The following GPHN variants were observed in gnomAD, a reference collection of about 807,000 sequenced individuals.
The protein encoded by GPHN is gephyrin.
In GPHN, 17 loss-of-function variants were observed where a neutral mutation model predicts 95.5. That is an observed-to-expected ratio of 0.18 (90% CI 0.12 to 0.27). GPHN has a LOEUF of 0.27. Among genes scored for constraint, GPHN ranks in the 10% least tolerant of loss-of-function variants. GPHN has a pLI of 1.00. For missense variants in GPHN, 660 were observed against 978.1 expected (o/e 0.67, Z 4.34); for synonymous variants, 320 against 322.5 (o/e 0.99, Z 0.08).
chr14:67,032,832 A>G (rs2074253169), intron 10 of GPHN, among the ~76,000 whole-genome samples: 1 of 152,188 alleles, frequency 6.6e-6, no homozygotes, highest in Non-Finnish European at 1.5e-5. Flanking sequence ...TGTTTCTCAA[A>G]TGACTAAAAC....
chr14:66,508,176 C>T lies in GPHN; in HGVS notation c.-352C>T, dbSNP rs1419993734. The T allele has an allele frequency of 2.1e-6, 1 of 481,598 alleles. No individual in the cohort carries two copies. Among genetic ancestry groups the T allele is most frequent in the South Asian group, 2.1e-5 (1 of 48,170 alleles). The allele number at this position is 481,598 out of a possible 1,614,324, so 29.8% of individuals were successfully genotyped here. On this transcript the variant is annotated 5_prime_UTR_variant, in exon 1 of 23. Coordinates refer to ENST00000478722, the MANE Select transcript of GPHN (RefSeq NM_020806.5). ...TCCTCTCAGTCCTGCCATCTAGCTG[C>T]CTTGGGTCTCGCGCTCCGCAGAGCG...
chr14:66,675,571 T>A (rs1400805354), intron 1 of GPHN, among the ~76,000 whole-genome samples: 2 of 152,232 alleles, frequency 1.3e-5, no homozygotes, highest in Non-Finnish European at 2.9e-5. Flanking sequence ...TATATTTCTT[T>A]ACTCTGTTGA....
intron 16 of GPHN, among the ~76,000 whole-genome samples, chr14:67,120,359 T>C (rs2078952556): frequency 6.6e-6 from 1 of 152,242 alleles, no homozygotes; most frequent in African/African-American, 2.4e-5. Context: ...CTAGTATATT[T>C]AGCCTTATAC....
chr14:67,410,616 G>A, the GPHN span, among the ~76,000 whole-genome samples: 3 of 152,140 alleles, frequency 2.0e-5, no homozygotes, highest in Non-Finnish European at 4.4e-5. Flanking sequence ...CCGCTCTCCT[G>A]TACCAAATAA....
the GPHN span, among the ~76,000 whole-genome samples, chr14:67,642,573 T>G: frequency 1.3e-5 from 2 of 152,170 alleles, no homozygotes; most frequent in East Asian, 3.9e-4. Context: ...CATTGCACAG[T>G]AAGAATATGT....
chr14:67,219,396 C>T, the GPHN span, among the ~76,000 whole-genome samples: 722 of 152,272 alleles, frequency 4.7e-3, 11 homozygotes, highest in African/African-American at 0.017. Flanking sequence ...TCTCTGCTCC[C>T]CAGCTGCCCT....
intron 4 of GPHN, among the ~76,000 whole-genome samples, chr14:66,836,306 G>A (rs1199698532): frequency 7.3e-6 from 1 of 137,680 alleles, no homozygotes; most frequent in Non-Finnish European, 1.5e-5. Flanking sequence ...ACAACTATCT[G>A]ATCTTTGACA....
At chr14:67,334,022 A>ACTT in the GPHN span, 7 of 152,712 alleles carry the variant, frequency 4.6e-5, no homozygotes, top group East Asian at 1.3e-3. Flanking sequence ...CATTGAAAAC[A>ACTT]CTTGTTTAGC....
chr14:66,531,910 G>A (rs970292543), intron 1 of GPHN, among the ~76,000 whole-genome samples: 1 of 152,162 alleles, frequency 6.6e-6, no homozygotes, highest in Non-Finnish European at 1.5e-5. Context: ...AGCTGTATAT[G>A]ATTTCTCTCA....
At position 67,050,073 on chromosome 14, in the gene GPHN, C is replaced by T. The variant is rs145802317; in HGVS notation, c.1007-8576C>T. On this transcript the variant is annotated intron_variant, in intron 10 of 22. Transcript: ENST00000478722. Reference sequence around the variant, plus strand: ...ACATGCAAATAGTTTAACCAAGGACCGGTATCAATCCAATAGCACCACAGT... The same window carrying T: ...ACATGCAAATAGTTTAACCAAGGACTGGTATCAATCCAATAGCACCACAGT... Among the ~76,000 whole-genome samples, 122 of 152,238 alleles carry T rather than the reference C, an allele frequency of 8.0e-4. 1 individual carries two copies. The highest frequency in any genetic ancestry group is 2.3e-3 in the South Asian group (11 of 4,824).
At chr14:66,685,837 A>G (rs2067317922) in intron 2 of GPHN, among the ~76,000 whole-genome samples, 1 of 152,164 alleles carries the variant, frequency 6.6e-6, no homozygotes, top group Non-Finnish European at 1.5e-5. Context: ...TATGTCCTGA[A>G]TGGTATTGCC....
the GPHN span, among the ~76,000 whole-genome samples, chr14:67,321,895 C>T: frequency 2.6e-5 from 4 of 152,028 alleles, no homozygotes; most frequent in Non-Finnish European, 4.4e-5. Context: ...AATAATTTCC[C>T]TTTTCTGATT....
chr14:67,735,000 A>G, the GPHN span, among the ~76,000 whole-genome samples: 12 of 152,348 alleles, frequency 7.9e-5, no homozygotes, highest in East Asian at 2.3e-3. Context: ...CTGGCTAGAG[A>G]AAATATTTTA....
the GPHN span, chr14:67,397,734 G>T: frequency 6.2e-7 from 1 of 1,613,314 alleles, no homozygotes; most frequent in African/African-American, 1.3e-5. Flanking sequence ...CCTTGGGAGG[G>T]GTCACTCTCC....
chr14:66,640,475 T>G (rs2064331921), intron 1 of GPHN, among the ~76,000 whole-genome samples: 1 of 152,170 alleles, frequency 6.6e-6, no homozygotes. Flanking sequence ...TACAATAGTT[T>G]ATTTCCTAGG....
intron 20 of GPHN, among the ~76,000 whole-genome samples, chr14:67,166,933 T>G (rs1220387127): frequency 6.6e-6 from 1 of 152,328 alleles, no homozygotes; most frequent in South Asian, 2.1e-4. Flanking sequence ...CGTCCCAAAG[T>G]TTTGGGATTA....
At chr14:67,518,757 T>C in the GPHN span, among the ~76,000 whole-genome samples, 1 of 152,138 alleles carries the variant, frequency 6.6e-6, no homozygotes, top group East Asian at 1.9e-4. Context: ...TCTTTATGCT[T>C]GTTAGAGAGA....
intron 1 of GPHN, among the ~76,000 whole-genome samples, chr14:66,597,079 A>G (rs916036967): frequency 6.6e-6 from 1 of 152,130 alleles, no homozygotes; most frequent in Non-Finnish European, 1.5e-5. Flanking sequence ...AATGGCAGTT[A>G]TGTCTTCTTA....
chr14:67,681,445 A>G, the GPHN span, among the ~76,000 whole-genome samples: 1 of 152,236 alleles, frequency 6.6e-6, no homozygotes, highest in East Asian at 1.9e-4. Flanking sequence ...GGATATCCAC[A>G]TGCAAAAGAA....
Sources: allele counts gnomAD v4.1 joint callset (sites outside exome capture counted in the v4.1 genomes callset), GRCh38; gene constraint gnomAD v4.1.1; transcripts MANE v1.5; gene names NCBI Gene and HGNC (gene_info 2026-07-23, HGNC 2026-07-21).